SAMMSON: variants seen among roughly 807,000 people sequenced by gnomAD.
The protein encoded by SAMMSON is long intergenic non-protein coding RNA 1212.
intron 4 of SAMMSON, among the ~76,000 whole-genome samples, chr3:70,157,639 G>C (rs754298671): frequency 1.3e-5 from 2 of 152,050 alleles, no homozygotes; most frequent in Non-Finnish European, 2.9e-5. Flanking sequence ...AACAAAAATG[G>C]CTGAAGCAGA....
intron 4 of SAMMSON, among the ~76,000 whole-genome samples, chr3:70,121,437 G>A (rs59260955): frequency 0.32 from 48,332 of 151,768 alleles, 8,424 homozygotes; most frequent in East Asian, 0.7. Flanking sequence ...GTACTGTATC[G>A]TGTGTATGTT....
intron 2 of SAMMSON, among the ~76,000 whole-genome samples, chr3:70,399,583 G>A (rs1240808958): frequency 3.3e-5 from 5 of 151,976 alleles, no homozygotes; most frequent in Non-Finnish European, 7.4e-5. Flanking sequence ...ACACTTTCAT[G>A]GGCCAGACAT....
At chr3:70,234,511 T>C (rs560445101) in intron 4 of SAMMSON, among the ~76,000 whole-genome samples, 1 of 152,102 alleles carries the variant, frequency 6.6e-6, no homozygotes, top group Admixed American at 6.5e-5. Context: ...CAGCCAGGCA[T>C]GGTGGCATGC....
At chr3:70,276,671 T>C (rs1050283697) in intron 6 of SAMMSON, among the ~76,000 whole-genome samples, 2 of 152,240 alleles carry the variant, frequency 1.3e-5, no homozygotes, top group African/African-American at 4.8e-5. Flanking sequence ...GGTCTACATA[T>C]GGCCTACTGC....
At chr3:70,270,136 T>C (rs1352975400) in intron 6 of SAMMSON, among the ~76,000 whole-genome samples, 1 of 152,148 alleles carries the variant, frequency 6.6e-6, no homozygotes, top group East Asian at 1.9e-4. Flanking sequence ...ACATTTGAAA[T>C]GTTTGATTAT....
At chr3:70,290,196 T>C (rs1337455524) in intron 6 of SAMMSON, among the ~76,000 whole-genome samples, 1 of 152,212 alleles carries the variant, frequency 6.6e-6, no homozygotes, top group Non-Finnish European at 1.5e-5. Context: ...TGGTTTTATC[T>C]ACTTTTGGTC....
At chr3:70,179,527 G>A (rs1394663856) in intron 4 of SAMMSON, among the ~76,000 whole-genome samples, 2 of 152,068 alleles carry the variant, frequency 1.3e-5, no homozygotes, top group Non-Finnish European at 2.9e-5. Flanking sequence ...AATGCACAGG[G>A]TACACCCCTA....
chr3:70,252,299 C>T (rs1701776900), intron 6 of SAMMSON, among the ~76,000 whole-genome samples: 1 of 152,050 alleles, frequency 6.6e-6, no homozygotes, highest in Non-Finnish European at 1.5e-5. Flanking sequence ...TGTGATTTTC[C>T]ATTGGTGTAT....
At chr3:70,069,647 C>T (rs1485413900) in intron 3 of SAMMSON, 1 of 152,068 alleles carries the variant, frequency 6.6e-6, no homozygotes, top group Non-Finnish European at 1.5e-5. Flanking sequence ...AGACGCCCGG[C>T]ATTGTGTTTA....
chr3:70,193,691 T>A (rs1701148708), intron 4 of SAMMSON, among the ~76,000 whole-genome samples: 1 of 152,200 alleles, frequency 6.6e-6, no homozygotes, highest in Non-Finnish European at 1.5e-5. Context: ...TCAGAGTCTA[T>A]AGTTTGTGTG....
chr3:70,011,692 A>G (rs1457268843), intron 1 of SAMMSON, among the ~76,000 whole-genome samples: 2 of 151,556 alleles, frequency 1.3e-5, no homozygotes, highest in Non-Finnish European at 2.9e-5. Context: ...TTTCTCTGAT[A>G]CTATAGCAAA....
At chr3:70,212,294 T>C (rs2106729806) in intron 4 of SAMMSON, among the ~76,000 whole-genome samples, 1 of 152,296 alleles carries the variant, frequency 6.6e-6, no homozygotes, top group South Asian at 2.1e-4. Context: ...GGACATTTTT[T>C]GTGGGTAACT....
chr3:70,041,923 CA>C (rs1239389130), intron 3 of SAMMSON, among the ~76,000 whole-genome samples: 1 of 152,046 alleles, frequency 6.6e-6, no homozygotes, highest in African/African-American at 2.4e-5. Flanking sequence ...AAATTGTTTG[CA>C]ATCCATGAGG....
At chr3:70,150,044 G>GTA (rs1004912692) in intron 4 of SAMMSON, among the ~76,000 whole-genome samples, 32 of 151,858 alleles carry the variant, frequency 2.1e-4, no homozygotes, top group Non-Finnish European at 2.1e-4. Context: ...CCAATTGGTA[G>GTA]TTATTGTCTC....
intron 4 of SAMMSON, among the ~76,000 whole-genome samples, chr3:70,148,290 G>C (rs903443775): frequency 3.2e-4 from 48 of 151,996 alleles, no homozygotes; most frequent in Non-Finnish European, 8.8e-5. Flanking sequence ...ATTTACCTTA[G>C]AGGAATAAAA....
chr3:70,427,035 A>G (rs1279367521), intron 2 of SAMMSON, among the ~76,000 whole-genome samples: 1 of 152,260 alleles, frequency 6.6e-6, no homozygotes, highest in African/African-American at 2.4e-5. Context: ...TGAATAGTTT[A>G]AATTCTTCAG....
intron 9 of SAMMSON, among the ~76,000 whole-genome samples, chr3:70,383,681 C>A (rs552179218): frequency 2.0e-5 from 3 of 151,892 alleles, no homozygotes; most frequent in African/African-American, 7.3e-5. Context: ...ATGATTGGTG[C>A]CACTGCAAAG....
chr3:70,409,752 A>G (rs1575643585), intron 2 of SAMMSON, among the ~76,000 whole-genome samples: 2 of 152,222 alleles, frequency 1.3e-5, no homozygotes, highest in East Asian at 3.8e-4. Context: ...GGTGTTGGAA[A>G]TTAGAAAAAG....
intron 4 of SAMMSON, among the ~76,000 whole-genome samples, chr3:70,174,831 G>T (rs1700997614): frequency 6.6e-6 from 1 of 151,746 alleles, no homozygotes; most frequent in East Asian, 1.9e-4. Context: ...TATAGATCAT[G>T]AATCCTAGGT....
Sources: gnomAD v4.1 joint callset for allele counts (sites outside exome capture counted in the v4.1 genomes callset) on GRCh38, gnomAD v4.1.1 for gene constraint, MANE v1.5 for transcripts, NCBI Gene and HGNC (gene_info 2026-07-23, HGNC 2026-07-21) for gene names.